The following ARSJ variants were observed in gnomAD, a reference collection of about 807,000 sequenced individuals.
ARSJ encodes the protein arylsulfatase family member J, also known as arylsulfatase J.
A neutral mutation model predicts 35.9 loss-of-function variants in ARSJ; 26 were observed. The ratio of observed to expected loss-of-function variants is 0.72; its 90% CI spans 0.53 to 1.00. The LOEUF is 1.00. Among genes scored for constraint, ARSJ ranks in the 50% least tolerant of loss-of-function variants. ARSJ has a pLI of 0.00. For missense variants in ARSJ, 667 were observed against 723.6 expected, an observed-to-expected ratio of 0.92 and a Z score of 0.90; for synonymous variants, 294 against 267.6, an observed-to-expected ratio of 1.10 and a Z score of -0.96.
chr4:113,933,570 T>C (rs1337954345), intron 1 of ARSJ, among the ~76,000 whole-genome samples: 1 of 151,752 alleles, frequency 6.6e-6, no homozygotes, highest in Admixed American at 6.6e-5. Flanking sequence ...AAATTACTTA[T>C]TATATTAACA....
intron 1 of ARSJ, among the ~76,000 whole-genome samples, chr4:113,933,028 T>C (rs1226942954): frequency 6.6e-6 from 1 of 151,686 alleles, no homozygotes; most frequent in Non-Finnish European, 1.5e-5. Context: ...AAAGGAGACA[T>C]AACAACTGAG....
At chr4:113,930,991 C>G (rs2149264179) in intron 1 of ARSJ, among the ~76,000 whole-genome samples, 1 of 146,702 alleles carries the variant, frequency 6.8e-6, no homozygotes. Context: ...CACATGGACA[C>G]AGGAAGGGGA....
At chr4:113,925,822 A>G (rs1282826047) in intron 1 of ARSJ, among the ~76,000 whole-genome samples, 1 of 152,182 alleles carries the variant, frequency 6.6e-6, no homozygotes, top group Admixed American at 6.5e-5. Flanking sequence ...ATGATGCAAG[A>G]AGTCCAATAT....
chr4:113,968,906 A>G (rs1727060467), intron 1 of ARSJ, among the ~76,000 whole-genome samples: 1 of 152,248 alleles, frequency 6.6e-6, no homozygotes, highest in Non-Finnish European at 1.5e-5. Flanking sequence ...ATAATAGAGC[A>G]CAGATGTCTC....
intron 1 of ARSJ, among the ~76,000 whole-genome samples, chr4:113,960,738 T>G (rs1477195539): frequency 6.6e-6 from 1 of 152,078 alleles, no homozygotes; most frequent in Non-Finnish European, 1.5e-5. Flanking sequence ...ATTAAGTCAG[T>G]AACTTATTTT....
intron 1 of ARSJ, among the ~76,000 whole-genome samples, chr4:113,922,042 G>A (rs1035811775): frequency 2.0e-5 from 3 of 152,156 alleles, no homozygotes; most frequent in Non-Finnish European, 4.4e-5. Flanking sequence ...CCATACAAAT[G>A]TGAAAGACAG....
intron 1 of ARSJ, among the ~76,000 whole-genome samples, chr4:113,935,470 AC>A (rs1485629501): frequency 2.6e-5 from 4 of 151,826 alleles, no homozygotes; most frequent in African/African-American, 7.2e-5. Flanking sequence ...AAGACAGAAA[AC>A]CCTTTGGGTG....
chr4:113,922,709 T>C (rs1723761675), intron 1 of ARSJ, among the ~76,000 whole-genome samples: 1 of 152,204 alleles, frequency 6.6e-6, no homozygotes. Flanking sequence ...ATGCTCTATC[T>C]GGTGATTTGT....
chr4:113,954,620 A>G (rs1259997270), intron 1 of ARSJ, among the ~76,000 whole-genome samples: 1 of 152,072 alleles, frequency 6.6e-6, no homozygotes, highest in Non-Finnish European at 1.5e-5. Context: ...AATTGTCCCA[A>G]AGATTTACAT....
intron 1 of ARSJ, among the ~76,000 whole-genome samples, chr4:113,941,577 C>T (rs1160974735): frequency 6.6e-6 from 1 of 151,900 alleles, no homozygotes; most frequent in East Asian, 1.9e-4. Flanking sequence ...GATAGATGTG[C>T]TGTTAAAAAT....
chr4:113,964,202 C>T (rs939064690), intron 1 of ARSJ, among the ~76,000 whole-genome samples: 1 of 151,976 alleles, frequency 6.6e-6, no homozygotes, highest in Non-Finnish European at 1.5e-5. Flanking sequence ...TTATGATATA[C>T]TGTATATGCA....
At chr4:113,924,773 C>T (rs1193155703) in intron 1 of ARSJ, among the ~76,000 whole-genome samples, 1 of 152,104 alleles carries the variant, frequency 6.6e-6, no homozygotes, top group Non-Finnish European at 1.5e-5. Flanking sequence ...CATGCACAAA[C>T]ATGTTCTTAA....
intron 1 of ARSJ, among the ~76,000 whole-genome samples, chr4:113,939,481 G>A (rs1450805108): frequency 1.3e-5 from 2 of 152,104 alleles, no homozygotes; most frequent in African/African-American, 2.4e-5. Context: ...CCGAGGAATT[G>A]CCACACTGAC....
At chr4:113,928,749 A>G (rs1435365277) in intron 1 of ARSJ, among the ~76,000 whole-genome samples, 1 of 152,194 alleles carries the variant, frequency 6.6e-6, no homozygotes, top group Non-Finnish European at 1.5e-5. Context: ...CATACAGAGA[A>G]GAGCAATTAC....
At chr4:113,940,256 T>A (rs1460207032) in intron 1 of ARSJ, among the ~76,000 whole-genome samples, 1 of 152,154 alleles carries the variant, frequency 6.6e-6, no homozygotes, top group East Asian at 1.9e-4. Flanking sequence ...CCATCAATGA[T>A]AGACTGGATA....
chr4:113,920,153 T>G (rs535826449), intron 1 of ARSJ, among the ~76,000 whole-genome samples: 24 of 152,228 alleles, frequency 1.6e-4, no homozygotes, highest in Non-Finnish European at 1.9e-4. Context: ...AAAACACTGT[T>G]TTGCCAAAGA....
intron 1 of ARSJ, among the ~76,000 whole-genome samples, chr4:113,938,395 G>A (rs1724906904): frequency 6.6e-6 from 1 of 151,812 alleles, no homozygotes; most frequent in Admixed American, 6.6e-5. Context: ...AACTCAAGAT[G>A]GATTAAAGAC....
intron 1 of ARSJ, among the ~76,000 whole-genome samples, chr4:113,916,596 T>G (rs781254679): frequency 1.1e-4 from 16 of 152,250 alleles, no homozygotes; most frequent in Non-Finnish European, 2.2e-4. Context: ...CTCTATTGTG[T>G]GCAAGTGGTG....
intron 1 of ARSJ, among the ~76,000 whole-genome samples, chr4:113,915,931 A>T (rs564123272): frequency 2.3e-4 from 35 of 152,354 alleles, no homozygotes; most frequent in African/African-American, 7.5e-4. Flanking sequence ...GTTTCCCTCC[A>T]GTGAGGGTTC....
Sources: gnomAD v4.1 joint callset for allele counts (sites outside exome capture counted in the v4.1 genomes callset) on GRCh38, gnomAD v4.1.1 for gene constraint, MANE v1.5 for transcripts, NCBI Gene and HGNC (gene_info 2026-07-23, HGNC 2026-07-21) for gene names.